The following SHCBP1L variants were observed in gnomAD, a reference collection of about 807,000 sequenced individuals.
The protein encoded by SHCBP1L is testicular spindle-associated protein SHCBP1L.
In SHCBP1L, 67 loss-of-function variants were observed where a neutral mutation model predicts 62.5. The ratio of observed to expected loss-of-function variants is 1.07; its 90% CI spans 0.88 to 1.31. The LOEUF (loss-of-function observed/expected upper bound fraction) is 1.31. SHCBP1L is among the 40% of genes most tolerant of loss of function. The pLI is 0.00. For missense variants in SHCBP1L, 823 were observed against 809.8 expected (o/e 1.02, Z -0.20); for synonymous variants, 284 against 289.4 (o/e 0.98, Z 0.19).
chr1:182,934,978 T>C (rs1211406210), intron 5 of SHCBP1L, among the ~76,000 whole-genome samples: 1 of 151,524 alleles, frequency 6.6e-6, no homozygotes, highest in African/African-American at 2.4e-5. Context: ...GTGTGGATCT[T>C]ATGGACTCTC....
intron 2 of SHCBP1L, among the ~76,000 whole-genome samples, chr1:182,941,639 G>A (rs1205877266): frequency 6.6e-6 from 1 of 152,094 alleles, no homozygotes; most frequent in Non-Finnish European, 1.5e-5. Flanking sequence ...ATGTTACAGA[G>A]TGCACACAAT....
intron 6 of SHCBP1L, among the ~76,000 whole-genome samples, chr1:182,923,797 A>G (rs898902438): frequency 2.6e-5 from 4 of 152,212 alleles, no homozygotes; most frequent in African/African-American, 9.7e-5. Flanking sequence ...AATGGGCAAA[A>G]GCTGGAAGCG....
At chr1:182,939,581 T>A (rs756058494) in intron 3 of SHCBP1L, 28 bp from the exon 4 acceptor site, 2 of 1,533,500 alleles carry the variant, frequency 1.3e-6, no homozygotes, top group Non-Finnish European at 1.8e-6. Context: ...AAGATGACAG[T>A]AATCAAAAAC....
intron 6 of SHCBP1L, among the ~76,000 whole-genome samples, chr1:182,908,753 G>A (rs1372368439): frequency 6.6e-6 from 1 of 152,088 alleles, no homozygotes; most frequent in Non-Finnish European, 1.5e-5. Context: ...GGAAATTGCT[G>A]AATCAAAAGG....
chr1:182,912,809 C>A (rs1650231465), intron 6 of SHCBP1L, among the ~76,000 whole-genome samples: 1 of 151,752 alleles, frequency 6.6e-6, no homozygotes, highest in Non-Finnish European at 1.5e-5. Context: ...AGGCATGAGC[C>A]ACTGTGCTTG....
rs555758342 is a variant in SHCBP1L at position 182,920,066 on chromosome 1, G to A, written c.1182+9581C>T. On this transcript the variant is annotated intron_variant, in intron 6 of 9. Coordinates refer to ENST00000367547, the MANE Select transcript of SHCBP1L (RefSeq NM_030933.4). The stretch of plus-strand genomic sequence containing the variant: ...CCCTCGCTGGCACCCTGCCCCTGCT[G>A]ATACATGCACACCCTGCTGCACCGC... Among the ~76,000 whole-genome samples the A allele has an allele frequency of 3.3e-4, 51 of 152,284 alleles. 1 individual carries two copies. The highest frequency in any genetic ancestry group is 1.2e-3 in the African/African-American group (48 of 41,572).
intron 6 of SHCBP1L, among the ~76,000 whole-genome samples, chr1:182,919,907 C>T (rs1650475403): frequency 6.6e-6 from 1 of 152,230 alleles, no homozygotes; most frequent in Admixed American, 6.5e-5. Flanking sequence ...CCTACCACAT[C>T]ATCCCCCACT....
chr1:182,930,683 GTGTGTGTGTGTGTGTGTGTGTATA>G lies in SHCBP1L; in HGVS notation c.1077-955_1077-932del, dbSNP rs1185457424. ...TGTGTGTGTGTGTGTGTGTGTGTGT[GTGTGTGTGTGTGTGTGTGTGTATA>G]TATATATATATATATATGTATTTTT... On this transcript the variant is annotated intron_variant, in intron 5 of 9. Coordinates refer to ENST00000367547, the MANE Select transcript of SHCBP1L (RefSeq NM_030933.4). Among the ~76,000 whole-genome samples the G allele has an allele frequency of 7.3e-5, 6 of 81,656 alleles. 1 individual carries two copies. Among genetic ancestry groups the G allele is most frequent in the African/African-American group, 4.0e-4 (6 of 14,866 alleles). 53.6% of individuals were successfully genotyped at this position (81,656 alleles called of 152,430 possible).
chr1:182,947,407 T>G (rs1210044774), intron 2 of SHCBP1L, among the ~76,000 whole-genome samples: 1 of 152,220 alleles, frequency 6.6e-6, no homozygotes, highest in Non-Finnish European at 1.5e-5. Flanking sequence ...GTTCTTGATA[T>G]ATTTTGCTAA....
chr1:182,951,469 T>G lies in SHCBP1L; in HGVS notation c.406-2A>C. ...CATAACTTCATCAGCATCTTCTGCCTAACAAGAGAAAAAATGGATCTACAT... is the reference window on the plus strand; with the variant it reads ...CATAACTTCATCAGCATCTTCTGCCGAACAAGAGAAAAAATGGATCTACAT... On this transcript the variant is annotated splice_acceptor_variant, in intron 1 of 9. Transcript: ENST00000367547. LOFTEE classifies it high-confidence loss of function. 1 of 1,550,892 alleles carries G rather than the reference T, an allele frequency of 6.4e-7. No individual in the cohort carries two copies. Among genetic ancestry groups the G allele is most frequent in the Non-Finnish European group, 8.7e-7 (1 of 1,152,578 alleles).
chr1:182,952,818 G>C lies in SHCBP1L; in HGVS notation c.316C>G (p.Leu106Val). ...ATACGGGACACGCAGACTGGGGGCAGGGGCTGCGCCTCCTCTTCATCCTCA... is the reference window on the plus strand; with the variant it reads ...ATACGGGACACGCAGACTGGGGGCACGGGCTGCGCCTCCTCTTCATCCTCA... ...VPEDEEEAQP[L>V]PPVCVSRMRG... The change falls in exon 1 of 10, where the codon CTG becomes GTG. Residue 106 changes from leucine to valine, a missense_variant. By Grantham distance (32) the Leu-to-Val change is conservative. Transcript: ENST00000367547. 1 of 1,612,476 alleles carries C rather than the reference G, an allele frequency of 6.2e-7. No individual in the cohort carries two copies. The highest frequency in any genetic ancestry group is 8.5e-7 in the Non-Finnish European group (1 of 1,179,554).
chr1:182,902,945 T>C (rs1305048419), intron 9 of SHCBP1L, 94 bp downstream of exon 9: 22 of 918,660 alleles, frequency 2.4e-5, no homozygotes, highest in Non-Finnish European at 3.4e-5. Context: ...AATGATAATA[T>C]GTAGACTGCC....
In SHCBP1L at chr1:182,952,805, C is replaced by A. The variant is rs539399750; in HGVS notation, c.329G>T (p.Cys110Phe). Reference protein sequence around the residue: ...EEEAQPLPPVCVSRMRGMWRD... With the variant: ...EEEAQPLPPVFVSRMRGMWRD... ...CCACATCCCCCTCATACGGGACACGCAGACTGGGGGCAGGGGCTGCGCCTC... is the reference window on the plus strand; with the variant it reads ...CCACATCCCCCTCATACGGGACACGAAGACTGGGGGCAGGGGCTGCGCCTC... Residue 110 changes from cysteine (C) to phenylalanine (F), a missense_variant, in exon 1 of 10, where the codon TGC becomes TTC. Cys to Phe is a radical substitution (Grantham distance 205). Coordinates refer to ENST00000367547, the MANE Select transcript of SHCBP1L (RefSeq NM_030933.4). 8.6e-5 allele frequency: 139 copies of A among 1,612,766 alleles called. 1 individual carries two copies. The highest frequency in any genetic ancestry group is 1.1e-4 in the Non-Finnish European group (130 of 1,179,546).
At chr1:182,911,401 T>A (rs1181458248) in intron 6 of SHCBP1L, among the ~76,000 whole-genome samples, 2 of 151,906 alleles carry the variant, frequency 1.3e-5, no homozygotes, top group East Asian at 3.9e-4. Context: ...ATTTCCAGAG[T>A]TACCATATTA....
chr1:182,905,362 A>G, intron 7 of SHCBP1L, 134 bp downstream of exon 7: 1 of 934,564 alleles, frequency 1.1e-6, no homozygotes, highest in East Asian at 2.8e-5. Context: ...CTTAATTATA[A>G]AATGAACATA....
In SHCBP1L at chr1:182,939,445, T is replaced by G. The variant is rs756779893; in HGVS notation, c.857+22A>C. On this transcript the variant is annotated intron_variant, in intron 4 of 9. Transcript: ENST00000367547. ...TGTTTATTTTTTCTAATGTGCGGTA[T>G]AAGTTTATAAACTATACTTACAAAT... is the stretch of plus-strand genomic sequence containing the variant. 41 of 1,605,078 alleles carry G rather than the reference T, an allele frequency of 2.6e-5. No homozygotes were observed. In the East Asian group the frequency reaches 8.7e-4, roughly 34 times the overall value.
chr1:182,932,394 A>C lies in SHCBP1L; in HGVS notation c.1077-2642T>G, dbSNP rs536720230. 2.4e-4 allele frequency among the ~76,000 whole-genome samples: 36 copies of C among 152,248 alleles called. No homozygotes were observed. The East Asian group carries it at 6.7e-3, about 29-fold the overall frequency. ...CTAAACTGTCTTCCAAAGTGACTAT[A>C]CTGTTTTTCCCACCAGCAATAAGTG... On this transcript the variant is annotated intron_variant, in intron 5 of 9. Transcript: ENST00000367547.
At chr1:182,951,227 C>T (rs1651734687) in intron 2 of SHCBP1L, 91 bp downstream of exon 2, 1 of 1,045,200 alleles carries the variant, frequency 9.6e-7, no homozygotes, top group Non-Finnish European at 1.3e-6. Context: ...TGTGTCAACT[C>T]TTGTGTATCA....
At chr1:182,917,165 A>C (rs1650380888) in intron 6 of SHCBP1L, among the ~76,000 whole-genome samples, 1 of 152,236 alleles carries the variant, frequency 6.6e-6, no homozygotes. Context: ...TACCAGAAGA[A>C]AAGAAAACTA....
Sources: gnomAD v4.1 joint callset for allele counts (sites outside exome capture counted in the v4.1 genomes callset) on GRCh38, gnomAD v4.1.1 for gene constraint, MANE v1.5 for transcripts, NCBI Gene and HGNC (gene_info 2026-07-23, HGNC 2026-07-21) for gene names.